BABAM2: variants seen among roughly 807,000 people sequenced by gnomAD.
BABAM2 encodes the protein BRISC and BRCA1-A complex member 2.
BABAM2 carries 31 observed loss-of-function variants against 54.7 expected under a neutral mutation model. The ratio of observed to expected loss-of-function variants is 0.57; its 90% CI spans 0.43 to 0.77. The LOEUF (loss-of-function observed/expected upper bound fraction) is 0.77, where lower values mean the gene tolerates loss of function less well. Ranked by LOEUF, BABAM2 falls within the 30% of genes least tolerant of loss-of-function variation. BABAM2 has a pLI of 0.00. For synonymous variants in BABAM2, 167 were observed against 162.9 expected (o/e 1.03, Z -0.19); for missense variants, 364 against 455.8 (o/e 0.80, Z 1.83).
intron 7 of BABAM2, among the ~76,000 whole-genome samples, chr2:28,153,980 A>C (rs1300565733): frequency 2.0e-5 from 3 of 152,192 alleles, no homozygotes; most frequent in Non-Finnish European, 4.4e-5. Flanking sequence ...AGTTGCACAG[A>C]AAGTTGGACT....
chr2:27,940,898 A>T (rs1668826759), intron 3 of BABAM2, among the ~76,000 whole-genome samples: 1 of 152,040 alleles, frequency 6.6e-6, no homozygotes, highest in South Asian at 2.1e-4. Context: ...AACATATTCT[A>T]TTGTCACTGT....
intron 1 of BABAM2, among the ~76,000 whole-genome samples, chr2:27,892,143 G>C (rs535881493): frequency 6.6e-6 from 1 of 152,316 alleles, no homozygotes; most frequent in South Asian, 2.1e-4. Context: ...GGAGAATCCG[G>C]ATTTGGATTC....
Position 28,329,222 on chromosome 2 carries a change from G to A in BABAM2, c.1089-9228G>A, listed in dbSNP as rs1374606362. On this transcript the variant is annotated intron_variant, in intron 11 of 11. Transcript: ENST00000379624. This position sits in a 1 kb window ranked among gnomAD's most constrained non-coding sequence, Gnocchi z 4.2. Reference sequence around the variant, plus strand: ...CTAGAGGGCAGAGGGGTGGCCGAGAGGAACAGGCCTTCATGTCCCCCGACA... The same window carrying A: ...CTAGAGGGCAGAGGGGTGGCCGAGAAGAACAGGCCTTCATGTCCCCCGACA... Among the ~76,000 whole-genome samples, 32 of 152,212 alleles carry A rather than the reference G, an allele frequency of 2.1e-4. No homozygotes were observed. Among genetic ancestry groups the A allele is most frequent in the Admixed American group, 2.0e-3 (31 of 15,284 alleles).
chr2:28,015,749 A>G, intron 4 of BABAM2: 1 of 1,074,050 alleles, frequency 9.3e-7, no homozygotes, highest in Non-Finnish European at 1.2e-6. Context: ...TCTGAATGTT[A>G]TGGTGAGTCA....
chr2:28,064,744 G>A (rs1055126186), intron 6 of BABAM2, among the ~76,000 whole-genome samples: 1 of 152,202 alleles, frequency 6.6e-6, no homozygotes, highest in South Asian at 2.1e-4. Flanking sequence ...GCTCACGCCT[G>A]TAATCCCAGC....
At chr2:28,247,365 T>G (rs72784740) in intron 10 of BABAM2, among the ~76,000 whole-genome samples, 13,156 of 152,264 alleles carry the variant, frequency 0.086, 649 homozygotes, top group Middle Eastern at 0.16. Flanking sequence ...ATATAGGACT[T>G]GCTACCTCGG....
At chr2:28,199,032 C>T (rs765870776) in intron 7 of BABAM2, among the ~76,000 whole-genome samples, 4 of 152,264 alleles carry the variant, frequency 2.6e-5, no homozygotes, top group East Asian at 1.9e-4. Context: ...TTTGGTTTGT[C>T]GGCTTGAATG....
At chr2:27,901,913 C>G (rs1665821435) in intron 2 of BABAM2, among the ~76,000 whole-genome samples, 1 of 152,080 alleles carries the variant, frequency 6.6e-6, no homozygotes, top group African/African-American at 2.4e-5. Context: ...AAAGTTTGTA[C>G]AAATGATATA....
intron 10 of BABAM2, among the ~76,000 whole-genome samples, chr2:28,277,362 C>T (rs559512952): frequency 5.3e-5 from 8 of 152,292 alleles, no homozygotes; most frequent in African/African-American, 1.7e-4. Flanking sequence ...GCCTCATCCT[C>T]CCAAAGTGCT....
chr2:28,201,664 G>C (rs1678284836), intron 7 of BABAM2, among the ~76,000 whole-genome samples: 1 of 152,144 alleles, frequency 6.6e-6, no homozygotes, highest in Non-Finnish European at 1.5e-5. Flanking sequence ...TGAAGAACAA[G>C]TTTGGCCAAA....
At chr2:28,295,595 A>G (rs1285504394) in intron 10 of BABAM2, among the ~76,000 whole-genome samples, 1 of 152,020 alleles carries the variant, frequency 6.6e-6, no homozygotes, top group African/African-American at 2.4e-5. Context: ...TCCAGAGTTC[A>G]AGAGATTCTC....
intron 10 of BABAM2, among the ~76,000 whole-genome samples, chr2:28,277,673 A>G (rs1172264659): frequency 6.6e-6 from 1 of 152,154 alleles, no homozygotes. Context: ...CTCACCTGCT[A>G]TGTCTGTAGC....
chr2:28,326,165 G>A (rs1016075656), intron 11 of BABAM2, among the ~76,000 whole-genome samples: 1 of 152,158 alleles, frequency 6.6e-6, no homozygotes. Context: ...AAAAGTGGAG[G>A]GTAATCTGTG....
At chr2:28,331,746 G>A in intron 11 of BABAM2, among the ~76,000 whole-genome samples, 1 of 152,228 alleles carries the variant, frequency 6.6e-6, no homozygotes, top group African/African-American at 2.4e-5. Flanking sequence ...GGCCATTGTG[G>A]AAGACAGTAT....
intron 7 of BABAM2, among the ~76,000 whole-genome samples, chr2:28,233,741 T>C (rs1193503335): frequency 6.6e-6 from 1 of 152,224 alleles, no homozygotes; most frequent in African/African-American, 2.4e-5. Context: ...CTGTTGAGGC[T>C]CACCCCAGAC....
chr2:28,045,567 C>A (rs962270234), intron 5 of BABAM2, among the ~76,000 whole-genome samples, 158 bp from the exon 6 acceptor site: 2 of 152,184 alleles, frequency 1.3e-5, no homozygotes, highest in Admixed American at 1.3e-4. Flanking sequence ...TTCTGATCCT[C>A]CCCTACTTTT....
chr2:28,325,374 G>A lies in BABAM2; in HGVS notation c.1089-13076G>A, dbSNP rs1168638313. Among the ~76,000 whole-genome samples, 5 of 152,162 alleles carry A rather than the reference G, an allele frequency of 3.3e-5. No homozygotes were observed. The highest frequency in any genetic ancestry group is 7.3e-5 in the Non-Finnish European group (5 of 68,028). Reference sequence around the variant, plus strand: ...TGTGCTTGCCCCCAGCCTCTCTACTGCATGATTACAGAAGACTTGTAAGGC... The same window carrying A: ...TGTGCTTGCCCCCAGCCTCTCTACTACATGATTACAGAAGACTTGTAAGGC... On this transcript the variant is annotated intron_variant, in intron 11 of 11. Coordinates refer to ENST00000379624, the MANE Select transcript of BABAM2 (RefSeq NM_199191.3). The surrounding 1 kb of genome is among the most constrained non-coding windows in gnomAD (Gnocchi z 4.3).
At chr2:28,067,174 T>A (rs1339760225) in intron 6 of BABAM2, among the ~76,000 whole-genome samples, 1 of 152,122 alleles carries the variant, frequency 6.6e-6, no homozygotes, top group Non-Finnish European at 1.5e-5. Context: ...TCAGGTGATC[T>A]GCCTGCCTCT....
chr2:28,322,566 C>T lies in BABAM2; in HGVS notation c.1089-15884C>T, dbSNP rs1558530135. 1.3e-5 allele frequency among the ~76,000 whole-genome samples: 2 copies of T among 152,232 alleles called. No homozygotes were observed. The highest frequency in any genetic ancestry group is 6.5e-5 in the Admixed American group (1 of 15,290). On this transcript the variant is annotated intron_variant, in intron 11 of 11. Coordinates refer to ENST00000379624, the MANE Select transcript of BABAM2 (RefSeq NM_199191.3). The surrounding 1 kb of genome is among the most constrained non-coding windows in gnomAD (Gnocchi z 4.1). ...TGCCTTGAACAAGATCCTGAGGTCT[C>T]GCCCAACAGCAAGGTTCTCTGGTTA...
Sources: gnomAD v4.1 joint callset for allele counts (sites outside exome capture counted in the v4.1 genomes callset) on GRCh38, gnomAD v4.1.1 for gene constraint, Gnocchi (gnomAD v3.1) non-coding constraint, MANE v1.5 for transcripts, NCBI Gene and HGNC (gene_info 2026-07-23, HGNC 2026-07-21) for gene names.